Variants in SCYL3 observed in about 807,000 individuals in gnomAD.
SCYL3 encodes the protein SCY1 like pseudokinase 3.
SCYL3 carries 35 observed loss-of-function variants against 73.8 expected under a neutral mutation model. The observed-to-expected ratio is 0.47, with a 90% confidence interval of 0.36 to 0.63. The LOEUF is 0.63. SCYL3 is among the 20% of genes least tolerant of loss of function. SCYL3 has a pLI of 0.00. For synonymous variants in SCYL3, 277 were observed against 295.2 expected (o/e 0.94, Z 0.63); for missense variants, 712 against 798.9 (o/e 0.89, Z 1.31).
chr1:169,892,011 G>C (rs760095490), intron 1 of SCYL3, among the ~76,000 whole-genome samples: 22 of 152,216 alleles, frequency 1.4e-4, no homozygotes, highest in Non-Finnish European at 3.1e-4. Context: ...TTTCTTGAGA[G>C]AACTGGAAAG....
chr1:169,852,786 C>G lies in SCYL3; in HGVS notation c.*927G>C. ...TTGTGATATTACTTATGTTTTTTTT[C>G]CAGCCTTATGCAAAAAGAGCTCGTC... is the stretch of plus-strand genomic sequence containing the variant. On this transcript the variant is annotated 3_prime_UTR_variant, in exon 13 of 13. Transcript: ENST00000367771. 6.2e-7 allele frequency: 1 copy of G among 1,608,620 alleles called. No individual in the cohort carries two copies. The highest frequency in any genetic ancestry group is 8.5e-7 in the Non-Finnish European group (1 of 1,178,154).
intron 10 of SCYL3, among the ~76,000 whole-genome samples, chr1:169,860,511 T>C (rs1659554569): frequency 6.6e-6 from 1 of 152,228 alleles, no homozygotes; most frequent in Non-Finnish European, 1.5e-5. Flanking sequence ...ACTTGACCAA[T>C]TGGTCTTTTT....
intron 2 of SCYL3, among the ~76,000 whole-genome samples, chr1:169,886,532 C>G (rs958025197): frequency 6.6e-5 from 10 of 152,156 alleles, no homozygotes; most frequent in African/African-American, 2.2e-4. Context: ...ATCTACATAC[C>G]ACTCTTAGAG....
intron 5 of SCYL3, among the ~76,000 whole-genome samples, chr1:169,872,811 T>C (rs1464595040): frequency 1.3e-5 from 2 of 152,176 alleles, no homozygotes; most frequent in African/African-American, 2.4e-5. Context: ...CACTTGCCTG[T>C]AGCCCCTTTG....
In SCYL3 at chr1:169,851,569, A is replaced by T. The variant is rs76734415; in HGVS notation, c.*2144T>A. 2,160 of 492,244 alleles carry T rather than the reference A, an allele frequency of 4.4e-3. 44 individuals carry two copies. Among genetic ancestry groups the T allele is most frequent in the African/African-American group, 0.039 (1,981 of 51,244 alleles). 30.5% of individuals were successfully genotyped at this position (492,244 alleles called of 1,614,324 possible). On this transcript the variant is annotated 3_prime_UTR_variant, in exon 13 of 13. Transcript: ENST00000367771. The stretch of plus-strand genomic sequence containing the variant: ...TGCTGTTGCCAGTTTCTTAGCTTAT[A>T]CAGTAAAGGTTAGCAGACTATCATT...
rs1276069117 is a variant in SCYL3 at position 169,888,693 on chromosome 1, C to A, written c.148G>T (p.Val50Phe). ...FVYKRENEDK[V>F]NKAAKHLKTL... The stretch of plus-strand genomic sequence containing the variant: ...TATGGTACCTTGGCAGCTTTATTAA[C>A]CTTGTCTTCATTTTCTCTCTTATAC... Residue 50 changes from valine (V) to phenylalanine (F), a missense_variant, in exon 2 of 13, where the codon GTT becomes TTT. Val to Phe is a conservative substitution (Grantham distance 50). Around this residue, in one of 2 missense-constraint regions of SCYL3, gnomAD observed 342 missense variants for 448.1 expected, o/e 0.76. Transcript: ENST00000367771. 2.5e-6 allele frequency: 4 copies of A among 1,613,818 alleles called. No individual in the cohort carries two copies. The South Asian group carries it at 4.4e-5, about 18-fold the overall frequency.
chr1:169,870,892 A>G (rs1188394028), intron 5 of SCYL3, among the ~76,000 whole-genome samples: 2 of 152,170 alleles, frequency 1.3e-5, no homozygotes, highest in African/African-American at 4.8e-5. Context: ...TTAGGTCTAT[A>G]CTTAAGTTTA....
intron 5 of SCYL3, 74 bp downstream of exon 5, chr1:169,873,622 G>A (rs1391673576): frequency 1.1e-6 from 1 of 941,974 alleles, no homozygotes; most frequent in African/African-American, 1.7e-5. Context: ...GGAGTAAGCA[G>A]AGGAAAGTTT....
At chr1:169,870,226 A>T in intron 6 of SCYL3, 29 bp downstream of exon 6, 1 of 1,426,774 alleles carries the variant, frequency 7.0e-7, no homozygotes. Context: ...TACTTATTCT[A>T]TAGATGCAGT....
intron 11 of SCYL3, chr1:169,855,861 C>T: frequency 6.2e-7 from 1 of 1,613,782 alleles, no homozygotes; most frequent in Non-Finnish European, 8.5e-7. Context: ...GGGCGTGCTG[C>T]CAGAAAAGAA....
At chr1:169,879,705 A>G (rs1042892321) in intron 2 of SCYL3, among the ~76,000 whole-genome samples, 5 of 152,202 alleles carry the variant, frequency 3.3e-5, no homozygotes, top group African/African-American at 1.2e-4. Flanking sequence ...CACATTCTCA[A>G]TGGAAAAGAC....
intron 5 of SCYL3, 37 bp from the exon 6 acceptor site, chr1:169,870,394 G>GTTTTATAAGAT: frequency 7.2e-7 from 1 of 1,381,604 alleles, no homozygotes; most frequent in Non-Finnish European, 1.0e-6. Flanking sequence ...TAGAGGATCT[G>GTTTTATAAGAT]CCTTATAAGC....
chr1:169,878,848 G>A, intron 2 of SCYL3, 29 bp from the exon 3 acceptor site: 1 of 1,581,948 alleles, frequency 6.3e-7, no homozygotes, highest in Non-Finnish European at 8.6e-7. Flanking sequence ...AAGAGCTGAA[G>A]TTAATGACCC....
In SCYL3 at chr1:169,852,957, G is replaced by A. The variant is rs1474654431; in HGVS notation, c.*756C>T. The A allele has an allele frequency of 1.2e-6, 2 of 1,613,994 alleles. No homozygotes were observed. The highest frequency in any genetic ancestry group is 1.7e-6 in the Non-Finnish European group (2 of 1,179,976). On this transcript the variant is annotated 3_prime_UTR_variant, in exon 13 of 13. Transcript: ENST00000367771. The stretch of plus-strand genomic sequence containing the variant: ...AGGCGCTCCAAGAAAGGATGGATAA[G>A]CTAAAACGTTACATACATACTCTAG...
intron 5 of SCYL3, among the ~76,000 whole-genome samples, chr1:169,872,289 G>C (rs1442970306): frequency 6.6e-6 from 1 of 152,258 alleles, no homozygotes; most frequent in African/African-American, 2.4e-5. Context: ...TGGCTTCAGA[G>C]GGTGCAAGCC....
intron 2 of SCYL3, among the ~76,000 whole-genome samples, chr1:169,884,729 C>T (rs1171023672): frequency 6.6e-6 from 1 of 152,214 alleles, no homozygotes; most frequent in East Asian, 1.9e-4. Context: ...TTTTACTCTA[C>T]AATGCCTAGA....
intron 11 of SCYL3, 113 bp downstream of exon 11, chr1:169,858,924 TTTTA>T (rs2102141123): frequency 1.1e-6 from 1 of 903,316 alleles, no homozygotes; most frequent in Non-Finnish European, 1.6e-6. Context: ...GAAATTAACT[TTTTA>T]TTTATACTTC....
chr1:169,853,837 ATTTG>A, intron 12 of SCYL3, 65 bp from the exon 13 acceptor site: 2 of 1,576,484 alleles, frequency 1.3e-6, no homozygotes, highest in Admixed American at 1.7e-5. Flanking sequence ...TCATACGCAA[ATTTG>A]AAAAAGCAGG....
At chr1:169,878,474 G>T (rs1018293357) in intron 3 of SCYL3, among the ~76,000 whole-genome samples, 160 bp downstream of exon 3, 1 of 152,180 alleles carries the variant, frequency 6.6e-6, no homozygotes, top group African/African-American at 2.4e-5. Flanking sequence ...AGCACCTCTT[G>T]TGCCTTCCAA....
Sources: allele counts gnomAD v4.1 joint callset (sites outside exome capture counted in the v4.1 genomes callset), GRCh38; gene constraint gnomAD v4.1.1; regional missense constraint gnomAD v4.1.1; transcripts MANE v1.5; gene names NCBI Gene and HGNC (gene_info 2026-07-23, HGNC 2026-07-21).